SPAG1: variants seen among roughly 807,000 people sequenced by gnomAD.
The protein encoded by SPAG1 is sperm associated antigen 1, also known as sperm-associated antigen 1.
Under a neutral mutation model 100.5 loss-of-function variants are expected in SPAG1, and 69 were observed. That is an observed-to-expected ratio of 0.69 (90% CI 0.57 to 0.84). The LOEUF (loss-of-function observed/expected upper bound fraction) is 0.84, where lower values mean the gene tolerates loss of function less well. Ranked by LOEUF, SPAG1 falls within the 40% of genes least tolerant of loss-of-function variation. The probability of loss-of-function intolerance (pLI) is 0.00; values close to 1 mark genes in which losing one functional copy is unlikely to be tolerated. For missense variants in SPAG1, 955 were observed against 1,133.1 expected (o/e 0.84, Z 2.26); for synonymous variants, 336 against 411.6 (o/e 0.82, Z 2.22).
intron 14 of SPAG1, among the ~76,000 whole-genome samples, chr8:100,230,630 T>G (rs1818724001): frequency 6.6e-6 from 1 of 152,202 alleles, no homozygotes; most frequent in African/African-American, 2.4e-5. Flanking sequence ...TGTATCTTAT[T>G]TTATTTTTTT....
chr8:100,172,281 A>C (rs908999564), intron 3 of SPAG1, among the ~76,000 whole-genome samples: 1 of 152,126 alleles, frequency 6.6e-6, no homozygotes, highest in South Asian at 2.1e-4. Context: ...ATACATATTT[A>C]CTTATATTTT....
rs918324226 is a variant in SPAG1, at chr8:100,213,267, CGGCGGCGGCG to C, written c.1285_1294del (p.Gly429ProfsTer17). 3.9e-5 allele frequency: 47 copies of C among 1,212,660 alleles called. No individual in the cohort carries two copies. Among genetic ancestry groups the C allele is most frequent in the Admixed American group, 8.9e-5 (2 of 22,530 alleles). 75.1% of individuals were successfully genotyped at this position (1,212,660 alleles called of 1,614,324 possible). A position where few individuals can be genotyped will look rare whatever the true frequency, so the allele number is the denominator to read the frequency against. On this transcript the variant is annotated frameshift_variant, in exon 11 of 19. Transcript: ENST00000388798. LOFTEE classifies it high-confidence loss of function. ...CGGAGCCCACGGCGGGCCTCTGCGG[CGGCGGCGGCG>C]GGCGGCGGCGCCACCGGGCATCCGG...
chr8:100,163,292 A>C (rs1390513168), intron 2 of SPAG1, among the ~76,000 whole-genome samples: 2 of 152,222 alleles, frequency 1.3e-5, no homozygotes, highest in African/African-American at 4.8e-5. Flanking sequence ...TGTGTTTTTA[A>C]CAATGGAGCT....
intron 7 of SPAG1, 37 bp downstream of exon 7, chr8:100,184,770 T>C: frequency 8.7e-7 from 1 of 1,144,750 alleles, no homozygotes; most frequent in Non-Finnish European, 1.3e-6. Context: ...ACTTGCCTTT[T>C]AAAAAATGAT....
intron 7 of SPAG1, among the ~76,000 whole-genome samples, chr8:100,185,842 A>AT (rs1293930596): frequency 2.0e-5 from 3 of 152,198 alleles, no homozygotes; most frequent in Admixed American, 1.3e-4. Flanking sequence ...ATGATGGATC[A>AT]TTCATTCAGT....
At chr8:100,203,279 C>T (rs1362215369) in intron 10 of SPAG1, among the ~76,000 whole-genome samples, 1 of 152,142 alleles carries the variant, frequency 6.6e-6, no homozygotes, top group Admixed American at 6.6e-5. Flanking sequence ...AGCTTGCAGA[C>T]AGCCTATTGT....
At chr8:100,184,761 C>T (rs1164641293) in intron 7 of SPAG1, 28 bp downstream of exon 7, 1 of 1,333,008 alleles carries the variant, frequency 7.5e-7, no homozygotes, top group Non-Finnish European at 1.0e-6. Context: ...GGGGTTTAAA[C>T]TTGCCTTTTA....
chr8:100,194,290 G>A lies in SPAG1; in HGVS notation c.1096+22G>A, dbSNP rs748457079. On this transcript the variant is annotated intron_variant, in intron 10 of 18. Coordinates refer to ENST00000388798, the MANE Select transcript of SPAG1 (RefSeq NM_003114.5). ...AAGAGTAAAATATTTTTTCTATTTAGGTTATGTAAAAAGCTGCCTTTTAAT... is the reference window on the plus strand; with the variant it reads ...AAGAGTAAAATATTTTTTCTATTTAAGTTATGTAAAAAGCTGCCTTTTAAT... 2.5e-6 allele frequency: 4 copies of A among 1,600,638 alleles called. No homozygotes were observed. The South Asian group carries it at 3.4e-5, about 13-fold the overall frequency.
chr8:100,207,673 T>A (rs1166422725), intron 10 of SPAG1, among the ~76,000 whole-genome samples: 1 of 152,214 alleles, frequency 6.6e-6, no homozygotes, highest in Non-Finnish European at 1.5e-5. Flanking sequence ...AAGCACCCAA[T>A]GCTTCTGCCA....
At chr8:100,214,255 A>G (rs1218987925) in intron 12 of SPAG1, among the ~76,000 whole-genome samples, 1 of 152,194 alleles carries the variant, frequency 6.6e-6, no homozygotes, top group Non-Finnish European at 1.5e-5. Context: ...ATTGTTTCCA[A>G]CAGGCCTTTA....
Position 100,239,168 on chromosome 8 carries a change from C to A in SPAG1, c.2116-72C>A. ...ATACTGCACAGCTCACTACATCCAC[C>A]CCACTCCCACTCAGGTTACTCTAGG... is the stretch of plus-strand genomic sequence containing the variant. On this transcript the variant is annotated intron_variant, in intron 16 of 18. Transcript: ENST00000388798. This position sits in a 1 kb window ranked among gnomAD's most constrained non-coding sequence, Gnocchi z 5.0. The A allele has an allele frequency of 1.1e-6, 1 of 916,968 alleles. No homozygotes were observed. Among genetic ancestry groups the A allele is most frequent in the Non-Finnish European group, 1.7e-6 (1 of 603,110 alleles). 56.8% of individuals were successfully genotyped at this position (916,968 alleles called of 1,614,324 possible).
chr8:100,218,952 T>C (rs1818137603), intron 12 of SPAG1, among the ~76,000 whole-genome samples: 1 of 152,186 alleles, frequency 6.6e-6, no homozygotes, highest in African/African-American at 2.4e-5. Flanking sequence ...ATGACCCAGG[T>C]GATCTAGGAC....
chr8:100,179,862 C>T (rs1432312377), intron 4 of SPAG1, among the ~76,000 whole-genome samples: 2 of 152,174 alleles, frequency 1.3e-5, no homozygotes, highest in East Asian at 3.8e-4. Context: ...GATGCATAGC[C>T]ACGTCTTCCT....
intron 13 of SPAG1, among the ~76,000 whole-genome samples, chr8:100,221,431 G>A (rs755775578): frequency 1.2e-4 from 19 of 152,104 alleles, no homozygotes; most frequent in Non-Finnish European, 1.9e-4. Flanking sequence ...ATTGCTTTCC[G>A]GTGAAATTTG....
chr8:100,213,023 C>CCGCGGCCTT (rs1414103498), intron 10 of SPAG1, 67 bp from the exon 11 acceptor site: 1 of 1,308,458 alleles, frequency 7.6e-7, no homozygotes, highest in African/African-American at 1.8e-5. Context: ...CCCGCGGCCT[C>CCGCGGCCTT]CGCGGCCTCC....
chr8:100,190,870 A>G (rs1355190643), intron 8 of SPAG1, among the ~76,000 whole-genome samples: 1 of 151,564 alleles, frequency 6.6e-6, no homozygotes, highest in Admixed American at 6.6e-5. Context: ...GGATTTTGCC[A>G]TGTTGGCCAG....
At chr8:100,207,866 T>A (rs1233931200) in intron 10 of SPAG1, among the ~76,000 whole-genome samples, 1 of 152,190 alleles carries the variant, frequency 6.6e-6, no homozygotes, top group Admixed American at 6.5e-5. Flanking sequence ...GATAGAATGG[T>A]AGAATGGCCT....
chr8:100,193,933 TTG>T lies in SPAG1; in HGVS notation c.940-167_940-166del, dbSNP rs937796685. Among the ~76,000 whole-genome samples, 3 of 152,050 alleles carry T rather than the reference TTG, an allele frequency of 2.0e-5. No homozygotes were observed. The East Asian group carries it at 5.8e-4, about 29-fold the overall frequency. On this transcript the variant is annotated intron_variant, in intron 9 of 18. Coordinates refer to ENST00000388798, the MANE Select transcript of SPAG1 (RefSeq NM_003114.5). ...TTTTTTATACTTGTTACACCGCTTT[TTG>T]TGTGTGTGTGTTTTTTTTTTACAGT... is the stretch of plus-strand genomic sequence containing the variant.
chr8:100,241,040 A>G lies in SPAG1; in HGVS notation c.*18A>G, dbSNP rs748207301. The stretch of plus-strand genomic sequence containing the variant: ...AGCTTTAAATCAAGATAATTGTTAG[A>G]TTTCTTCCATGCATGTATGTGTTCC... On this transcript the variant is annotated 3_prime_UTR_variant, in exon 19 of 19. Coordinates refer to ENST00000388798, the MANE Select transcript of SPAG1 (RefSeq NM_003114.5). The surrounding 1 kb of genome is among the most constrained non-coding windows in gnomAD (Gnocchi z 5.1). 1.9e-6 allele frequency: 3 copies of G among 1,607,582 alleles called. No homozygotes were observed. The East Asian group carries it at 6.7e-5, about 36-fold the overall frequency.
Sources: gnomAD v4.1 joint callset for allele counts (sites outside exome capture counted in the v4.1 genomes callset) on GRCh38, gnomAD v4.1.1 for gene constraint, Gnocchi (gnomAD v3.1) non-coding constraint, MANE v1.5 for transcripts, NCBI Gene and HGNC (gene_info 2026-07-23, HGNC 2026-07-21) for gene names.